POU2F1: variants seen among roughly 807,000 people sequenced by gnomAD.
The protein encoded by POU2F1 is POU domain, class 2, transcription factor 1.
In POU2F1, 16 loss-of-function variants were observed where a neutral mutation model predicts 84.9. The observed-to-expected ratio is 0.19, with a 90% confidence interval of 0.13 to 0.29. The LOEUF (loss-of-function observed/expected upper bound fraction) is 0.29. Ranked by LOEUF, POU2F1 falls within the 10% of genes least tolerant of loss-of-function variation. The pLI is 1.00. For missense variants in POU2F1, 738 were observed against 942.6 expected, an observed-to-expected ratio of 0.78 and a Z score of 2.84; for synonymous variants, 368 against 368.3, an observed-to-expected ratio of 1.00 and a Z score of 0.01.
At chr1:167,366,720 A>C (rs1659704189) in intron 3 of POU2F1, among the ~76,000 whole-genome samples, 1 of 152,188 alleles carries the variant, frequency 6.6e-6, no homozygotes, top group African/African-American at 2.4e-5. Flanking sequence ...ATGAATTAAC[A>C]TCTAAAATGA....
chr1:167,394,208 CG>C (rs1648639387), intron 9 of POU2F1, among the ~76,000 whole-genome samples: 1 of 151,592 alleles, frequency 6.6e-6, no homozygotes, highest in African/African-American at 2.4e-5. Context: ...TTAACAGAGA[CG>C]GGGGTTTTGC....
At chr1:167,266,521 G>C (rs1221777597) in intron 1 of POU2F1, among the ~76,000 whole-genome samples, 1 of 151,908 alleles carries the variant, frequency 6.6e-6, no homozygotes, top group Non-Finnish European at 1.5e-5. Context: ...ATCAGTATCA[G>C]AATGTCAAAT....
chr1:167,327,830 G>A (rs1430257438), intron 1 of POU2F1, among the ~76,000 whole-genome samples: 4 of 152,094 alleles, frequency 2.6e-5, no homozygotes, highest in African/African-American at 7.2e-5. Flanking sequence ...TCCTGATTCC[G>A]AATTACTAGT....
At position 167,252,548 on chromosome 1, in the gene POU2F1, G is replaced by A. The variant is rs917477683; in HGVS notation, c.61+31590G>A. On this transcript the variant is annotated intron_variant, in intron 1 of 15. Transcript: ENST00000367866. ...AATTTTTTATTTTTCTCACTGAAGG[G>A]GAACCAGCGCCCTATTAAACTCCAT... is the stretch of plus-strand genomic sequence containing the variant. Among the ~76,000 whole-genome samples, 85 of 152,182 alleles carry A rather than the reference G, an allele frequency of 5.6e-4. 1 individual carries two copies. The highest frequency in any genetic ancestry group is 2.0e-3 in the African/African-American group (82 of 41,516).
chr1:167,382,971 T>G (rs944909734), intron 7 of POU2F1, among the ~76,000 whole-genome samples: 3 of 152,184 alleles, frequency 2.0e-5, no homozygotes, highest in African/African-American at 7.2e-5. Flanking sequence ...TATCCAAATT[T>G]AGTAACCTAA....
In POU2F1 at chr1:167,399,346, T is replaced by A. The variant is rs1288234702; in HGVS notation, c.1430T>A (p.Phe477Tyr). Residue 477 changes from phenylalanine (F) to tyrosine (Y), a missense_variant, in exon 12 of 16, where the codon TTC (phenylalanine) becomes TAC (tyrosine). By Grantham distance (22) the Phe-to-Tyr change is conservative (BLOSUM62 3). Around this residue, in one of 4 missense-constraint regions of POU2F1, gnomAD observed 319 missense variants for 386.0 expected, o/e 0.83. Coordinates refer to ENST00000367866, the MANE Select transcript of POU2F1 (RefSeq NM_002697.4). ...AGCAGCTCACCTATTAAAGCAATTT[T>A]CCCCAGCCCAACTTCACTGGTAAGA... The part of the protein sequence containing the change: ...GTSSSPIKAI[F>Y]PSPTSLVATT... 8 of 1,612,868 alleles carry A rather than the reference T, an allele frequency of 5.0e-6. No individual in the cohort carries two copies. The highest frequency in any genetic ancestry group is 6.8e-6 in the Non-Finnish European group (8 of 1,179,472).
In POU2F1 at chr1:167,237,766, ATATATATTTTTTTTTTTTT is replaced by A. The variant is rs1180088447; in HGVS notation, c.61+16810_61+16828del. 1.4e-4 allele frequency among the ~76,000 whole-genome samples: 8 copies of A among 58,032 alleles called. 1 individual carries two copies. Among genetic ancestry groups the A allele is most frequent in the African/African-American group, 4.7e-4 (8 of 16,970 alleles). The allele number at this position is 58,032 out of a possible 152,430, so 38.1% of individuals were successfully genotyped here. On this transcript the variant is annotated intron_variant, in intron 1 of 15. Transcript: ENST00000367866. ...TGTGTGTATATATATATATATATAT[ATATATATTTTTTTTTTTTT>A]TTTTTTTTTTTTTTGGCAGAGTGTT...
intron 1 of POU2F1, among the ~76,000 whole-genome samples, chr1:167,258,113 A>T (rs1460677680): frequency 6.6e-6 from 1 of 152,184 alleles, no homozygotes; most frequent in East Asian, 1.9e-4. Flanking sequence ...CACCGCTGAG[A>T]TGTAAACATA....
intron 1 of POU2F1, among the ~76,000 whole-genome samples, chr1:167,297,237 C>T (rs1044694902): frequency 3.3e-5 from 5 of 152,130 alleles, no homozygotes; most frequent in Non-Finnish European, 5.9e-5. Context: ...TTGTGAACAC[C>T]AAATTAATAA....
chr1:167,244,999 A>G (rs992029515), intron 1 of POU2F1, among the ~76,000 whole-genome samples: 16 of 152,208 alleles, frequency 1.1e-4, no homozygotes, highest in Non-Finnish European at 4.4e-5. Context: ...CAACTATGAC[A>G]GGAACAGTAG....
At chr1:167,278,438 A>G (rs1652889226) in intron 1 of POU2F1, among the ~76,000 whole-genome samples, 2 of 152,208 alleles carry the variant, frequency 1.3e-5, no homozygotes, top group Admixed American at 1.3e-4. Context: ...GATTTCATAG[A>G]TAATGGTTAA....
At chr1:167,235,741 T>C (rs1649403007) in intron 1 of POU2F1, among the ~76,000 whole-genome samples, 1 of 152,208 alleles carries the variant, frequency 6.6e-6, no homozygotes, top group African/African-American at 2.4e-5. Context: ...CTCATTTAAA[T>C]AAGATAAACA....
chr1:167,306,977 A>G (rs1033495875), intron 1 of POU2F1, among the ~76,000 whole-genome samples: 2 of 152,232 alleles, frequency 1.3e-5, no homozygotes, highest in Non-Finnish European at 2.9e-5. Context: ...TCTCGTAAGT[A>G]GGAAAGTTTG....
chr1:167,302,711 A>T (rs1654792673), intron 1 of POU2F1, among the ~76,000 whole-genome samples: 1 of 152,236 alleles, frequency 6.6e-6, no homozygotes, highest in Non-Finnish European at 1.5e-5. Flanking sequence ...TGGATCTATA[A>T]AATTTACATA....
At chr1:167,230,331 A>G (rs553988557) in intron 1 of POU2F1, among the ~76,000 whole-genome samples, 18 of 152,282 alleles carry the variant, frequency 1.2e-4, no homozygotes, top group Non-Finnish European at 2.5e-4. Flanking sequence ...TCTGTCACTA[A>G]TTAGCTTAGT....
intron 4 of POU2F1, among the ~76,000 whole-genome samples, chr1:167,370,989 T>C (rs1482651770): frequency 6.6e-6 from 1 of 152,112 alleles, no homozygotes; most frequent in Non-Finnish European, 1.5e-5. Context: ...GGAAAGACAG[T>C]ATTATGGAAG....
intron 1 of POU2F1, among the ~76,000 whole-genome samples, chr1:167,293,758 G>T (rs932207050): frequency 6.6e-6 from 1 of 152,112 alleles, no homozygotes; most frequent in Admixed American, 6.6e-5. Context: ...ATAAAAGTCG[G>T]CATGTAGACC....
chr1:167,401,053 C>A (rs1426158005), intron 12 of POU2F1, among the ~76,000 whole-genome samples: 12 of 152,228 alleles, frequency 7.9e-5, no homozygotes, highest in Non-Finnish European at 2.9e-5. Flanking sequence ...AAGTTTGCTT[C>A]ACATTATTTT....
At position 167,421,780 on chromosome 1, in the gene POU2F1, T is replaced by G. The variant is rs1650663361; in HGVS notation, c.*5970T>G. On this transcript the variant is annotated 3_prime_UTR_variant, in exon 16 of 16. Coordinates refer to ENST00000367866, the MANE Select transcript of POU2F1 (RefSeq NM_002697.4). The stretch of plus-strand genomic sequence containing the variant: ...AACCAAATAAATAAGTGAAAAAATT[T>G]TATAAATAGTGGAAATAATTCTAGC... The G allele has an allele frequency of 6.6e-6, 1 of 152,200 alleles. No homozygotes were observed. Among genetic ancestry groups the G allele is most frequent in the Admixed American group, 6.5e-5 (1 of 15,286 alleles). 9.4% of individuals were successfully genotyped at this position (152,200 alleles called of 1,614,324 possible).
Sources: gnomAD v4.1 joint callset for allele counts (sites outside exome capture counted in the v4.1 genomes callset) on GRCh38, gnomAD v4.1.1 for gene constraint, gnomAD v4.1.1 regional missense constraint, MANE v1.5 for transcripts, NCBI Gene and HGNC (gene_info 2026-07-23, HGNC 2026-07-21) for gene names.